Variants in RBMS3 observed in about 807,000 individuals in gnomAD.
RBMS3 encodes RNA-binding motif, single-stranded-interacting protein 3.
RBMS3 carries 27 observed loss-of-function variants against 66.8 expected under a neutral mutation model. The observed-to-expected ratio is 0.40, with a 90% CI of 0.30 to 0.56. The LOEUF (loss-of-function observed/expected upper bound fraction) is 0.56. RBMS3 is among the 20% of genes least tolerant of loss of function. The pLI is 0.40. For missense variants in RBMS3, 513 were observed against 549.5 expected (o/e 0.93, Z 0.66); for synonymous variants, 188 against 183.0 (o/e 1.03, Z -0.22).
chr3:29,790,151 T>A (rs2056952883), intron 6 of RBMS3, among the ~76,000 whole-genome samples: 1 of 152,218 alleles, frequency 6.6e-6, no homozygotes, highest in Non-Finnish European at 1.5e-5. Context: ...ACAGCTCTCT[T>A]CTGCACTGAC....
In RBMS3 at chr3:30,007,346, A is replaced by T. The variant is rs1434891818; in HGVS notation, c.*3484A>T. On this transcript the variant is annotated 3_prime_UTR_variant, in exon 15 of 15. Transcript: ENST00000383767. ...TTTTTTTTTTCTTTAAGTTGAAGTT[A>T]ATTTTCTGTGCATTCTGGTCCACCA... is the stretch of plus-strand genomic sequence containing the variant. 2.0e-5 allele frequency: 3 copies of T among 151,890 alleles called. No homozygotes were observed. The highest frequency in any genetic ancestry group is 4.4e-5 in the Non-Finnish European group (3 of 67,918). 9.4% of individuals were successfully genotyped at this position (151,890 alleles called of 1,614,324 possible).
At chr3:29,593,889 C>A (rs1256638427) in intron 4 of RBMS3, among the ~76,000 whole-genome samples, 1 of 152,048 alleles carries the variant, frequency 6.6e-6, no homozygotes, top group African/African-American at 2.4e-5. Flanking sequence ...TAGATTGTAA[C>A]AATTGGTTTG....
chr3:29,650,098 A>C (rs930774588), intron 4 of RBMS3, among the ~76,000 whole-genome samples: 1 of 152,158 alleles, frequency 6.6e-6, no homozygotes, highest in Non-Finnish European at 1.5e-5. Flanking sequence ...GTTTAGTTTC[A>C]CATCCTCATA....
chr3:29,483,427 C>T (rs954789017), intron 2 of RBMS3, among the ~76,000 whole-genome samples: 7 of 152,100 alleles, frequency 4.6e-5, no homozygotes, highest in Non-Finnish European at 8.8e-5. Context: ...AGCAGTGGTT[C>T]TCAAAGCACC....
intron 4 of RBMS3, among the ~76,000 whole-genome samples, chr3:29,664,129 T>G (rs2050663195): frequency 6.6e-6 from 1 of 152,102 alleles, no homozygotes; most frequent in Non-Finnish European, 1.5e-5. Flanking sequence ...ACGTCTCTAA[T>G]TTGGATCCAG....
At chr3:29,736,963 T>C (rs2054406452) in intron 4 of RBMS3, among the ~76,000 whole-genome samples, 1 of 152,108 alleles carries the variant, frequency 6.6e-6, no homozygotes, top group Non-Finnish European at 1.5e-5. Flanking sequence ...ACTGGCCTTT[T>C]AGTTATGGTA....
At chr3:29,732,189 T>C (rs1213926884) in intron 4 of RBMS3, among the ~76,000 whole-genome samples, 1 of 151,992 alleles carries the variant, frequency 6.6e-6, no homozygotes, top group African/African-American at 2.4e-5. Context: ...CACATGGTTG[T>C]TCCAGTCTAC....
intron 1 of RBMS3, among the ~76,000 whole-genome samples, chr3:29,329,317 T>C (rs1377743870): frequency 6.6e-6 from 1 of 152,156 alleles, no homozygotes; most frequent in Non-Finnish European, 1.5e-5. Context: ...TATACAATTC[T>C]TCAAAGCTCA....
chr3:29,684,260 C>CAAGA (rs2051619866), intron 4 of RBMS3, among the ~76,000 whole-genome samples: 1 of 152,058 alleles, frequency 6.6e-6, no homozygotes, highest in Admixed American at 6.6e-5. Context: ...TTTAGGAAGA[C>CAAGA]AAGAGTCACT....
At chr3:29,899,409 T>C (rs922889431) in intron 9 of RBMS3, among the ~76,000 whole-genome samples, 2 of 151,698 alleles carry the variant, frequency 1.3e-5, no homozygotes, top group Non-Finnish European at 3.0e-5. Flanking sequence ...CTCTGAGGCC[T>C]CCTAAAACTT....
intron 3 of RBMS3, among the ~76,000 whole-genome samples, chr3:29,498,063 C>T (rs2148931302): frequency 8.0e-6 from 1 of 125,158 alleles, no homozygotes; most frequent in Middle Eastern, 6.8e-3. Context: ...GGTGCGATCT[C>T]AGTTCACCGC....
At chr3:29,371,535 C>T (rs1427351741) in intron 1 of RBMS3, among the ~76,000 whole-genome samples, 1 of 152,088 alleles carries the variant, frequency 6.6e-6, no homozygotes, top group African/African-American at 2.4e-5. Flanking sequence ...CACCATGCAC[C>T]AATAACCATA....
At chr3:29,337,790 C>A (rs2036040005) in intron 1 of RBMS3, among the ~76,000 whole-genome samples, 1 of 152,118 alleles carries the variant, frequency 6.6e-6, no homozygotes, top group Admixed American at 6.6e-5. Context: ...AACAACCTTA[C>A]AATACTACTT....
chr3:29,371,134 T>A (rs949271842), intron 1 of RBMS3, among the ~76,000 whole-genome samples: 1 of 152,200 alleles, frequency 6.6e-6, no homozygotes, highest in African/African-American at 2.4e-5. Context: ...AGTGGTTTTG[T>A]TCATGGAGTG....
chr3:29,869,563 G>A (rs991957374), intron 7 of RBMS3, among the ~76,000 whole-genome samples: 3 of 152,058 alleles, frequency 2.0e-5, no homozygotes, highest in African/African-American at 7.2e-5. Flanking sequence ...CTTTTCACAA[G>A]GAGAAGGAAA....
intron 4 of RBMS3, among the ~76,000 whole-genome samples, chr3:29,630,639 C>A (rs528991019): frequency 6.6e-6 from 1 of 152,112 alleles, no homozygotes; most frequent in African/African-American, 2.4e-5. Context: ...GATGTCATCA[C>A]TGGCATTTAT....
At chr3:29,535,257 C>T (rs896463376) in intron 3 of RBMS3, among the ~76,000 whole-genome samples, 1 of 152,194 alleles carries the variant, frequency 6.6e-6, no homozygotes, top group African/African-American at 2.4e-5. Flanking sequence ...ATGGTAATGA[C>T]TACATTACAA....
At chr3:29,618,673 G>A (rs1264288688) in intron 4 of RBMS3, among the ~76,000 whole-genome samples, 1 of 152,002 alleles carries the variant, frequency 6.6e-6, no homozygotes, top group Non-Finnish European at 1.5e-5. Flanking sequence ...AAAAAAAAAG[G>A]CTTTTTTCCC....
chr3:29,553,060 G>A (rs1477584704), intron 3 of RBMS3, among the ~76,000 whole-genome samples: 1 of 152,142 alleles, frequency 6.6e-6, no homozygotes, highest in East Asian at 1.9e-4. Context: ...GCAGTTTTGA[G>A]CATTAAGTAC....
Sources: gnomAD v4.1 joint callset for allele counts (sites outside exome capture counted in the v4.1 genomes callset) on GRCh38, gnomAD v4.1.1 for gene constraint, MANE v1.5 for transcripts, NCBI Gene and HGNC (gene_info 2026-07-23, HGNC 2026-07-21) for gene names.